CATSPERE: variants seen among roughly 807,000 people sequenced by gnomAD.
CATSPERE encodes catsper channel auxiliary subunit epsilon, also known as cation channel sperm-associated auxiliary subunit epsilon.
A neutral mutation model predicts 114.1 loss-of-function variants in CATSPERE; 93 were observed. The ratio of observed to expected loss-of-function variants is 0.81; its 90% CI spans 0.69 to 0.97. CATSPERE has a LOEUF of 0.97. CATSPERE is among the 50% of genes least tolerant of loss of function. The pLI is 0.00. For missense variants in CATSPERE, 1,058 were observed against 1,131.6 expected (o/e 0.93, Z 0.93); for synonymous variants, 341 against 384.1 (o/e 0.89, Z 1.31).
At chr1:244,473,834 A>C (rs1159149947) in intron 2 of CATSPERE, among the ~76,000 whole-genome samples, 1 of 151,812 alleles carries the variant, frequency 6.6e-6, no homozygotes, top group African/African-American at 2.4e-5. Flanking sequence ...CTCAATTCTC[A>C]TATTAGTTTA....
chr1:244,461,503 A>C lies in CATSPERE; in HGVS notation c.65+9A>C. On this transcript the variant is annotated intron_variant, in intron 1 of 21. Coordinates refer to ENST00000366534, the MANE Select transcript of CATSPERE (RefSeq NM_001130957.2). Reference sequence around the variant, plus strand: ...GGCTCCGCCCTTTGGAGGTAGAGAGACGCCAGTCGCAGGCGAGCGACTAGG... The same window carrying C: ...GGCTCCGCCCTTTGGAGGTAGAGAGCCGCCAGTCGCAGGCGAGCGACTAGG... 1 of 1,307,632 alleles carries C rather than the reference A, an allele frequency of 7.6e-7. No individual in the cohort carries two copies. The highest frequency in any genetic ancestry group is 9.8e-7 in the Non-Finnish European group (1 of 1,019,168). The allele number at this position is 1,307,632 out of a possible 1,614,324, so 81.0% of individuals were successfully genotyped here. A position where few individuals can be genotyped will look rare whatever the true frequency, so the allele number is the denominator to read the frequency against.
chr1:244,558,136 CTCTT>C (rs1295082599), intron 9 of CATSPERE, among the ~76,000 whole-genome samples: 2 of 62,116 alleles, frequency 3.2e-5, no homozygotes, highest in Non-Finnish European at 6.6e-5. Context: ...CTCTCTCTCT[CTCTT>C]TTTTTTTTTT....
chr1:244,489,460 T>C (rs1483247115), intron 5 of CATSPERE, among the ~76,000 whole-genome samples: 30 of 133,538 alleles, frequency 2.2e-4, no homozygotes, highest in African/African-American at 9.6e-4. Flanking sequence ...ATTTTTTTTT[T>C]TTTTTTTTTT....
chr1:244,474,250 G>A (rs536550039), intron 2 of CATSPERE, among the ~76,000 whole-genome samples: 2 of 152,026 alleles, frequency 1.3e-5, no homozygotes, highest in African/African-American at 4.8e-5. Context: ...GGCCAGGGTG[G>A]TCTCGAACTT....
chr1:244,639,844 C>A, intron 21 of CATSPERE, 84 bp from the exon 22 acceptor site: 2 of 1,219,338 alleles, frequency 1.6e-6, no homozygotes, highest in Non-Finnish European at 2.3e-6. Context: ...TAGTAGCTAG[C>A]TATTCAAAAA....
At chr1:244,490,157 G>C (rs749374518) in intron 5 of CATSPERE, among the ~76,000 whole-genome samples, 28 of 152,082 alleles carry the variant, frequency 1.8e-4, no homozygotes, top group Non-Finnish European at 4.0e-4. Flanking sequence ...GTAACTTCAA[G>C]GTCATTATTA....
intron 17 of CATSPERE, among the ~76,000 whole-genome samples, chr1:244,599,943 A>G (rs909871860): frequency 6.6e-6 from 1 of 152,202 alleles, no homozygotes; most frequent in Non-Finnish European, 1.5e-5. Flanking sequence ...AAAACACAAA[A>G]TATGACCTGG....
At chr1:244,604,090 T>C (rs1669645235) in intron 17 of CATSPERE, among the ~76,000 whole-genome samples, 1 of 152,246 alleles carries the variant, frequency 6.6e-6, no homozygotes, top group Non-Finnish European at 1.5e-5. Context: ...AGAGCTTTGC[T>C]AAAGCCTGAC....
chr1:244,597,669 A>G (rs1303315154), intron 17 of CATSPERE, among the ~76,000 whole-genome samples: 1 of 152,048 alleles, frequency 6.6e-6, no homozygotes, highest in African/African-American at 2.4e-5. Flanking sequence ...ACCATTGCCA[A>G]TCACACACAC....
chr1:244,476,990 ATTTCT>A (rs939883245), intron 2 of CATSPERE, among the ~76,000 whole-genome samples: 30 of 151,856 alleles, frequency 2.0e-4, no homozygotes, highest in Non-Finnish European at 3.7e-4. Context: ...TTAATAGATT[ATTTCT>A]TTTCTTTTCT....
At chr1:244,489,410 T>C (rs1375840112) in intron 5 of CATSPERE, among the ~76,000 whole-genome samples, 1 of 151,410 alleles carries the variant, frequency 6.6e-6, no homozygotes, top group African/African-American at 2.4e-5. Flanking sequence ...AATCATGAAG[T>C]TTTGATTCTG....
rs954520136 is a variant in CATSPERE at position 244,527,982 on chromosome 1, T to G, written c.536+9284T>G. 9.2e-5 allele frequency among the ~76,000 whole-genome samples: 14 copies of G among 152,186 alleles called. 1 individual carries two copies. The highest frequency in any genetic ancestry group is 3.4e-4 in the African/African-American group (14 of 41,432). Reference sequence around the variant, plus strand: ...TTATTTTTTCTCTTCAACTTTTAAGTTCAGGGATACAGCAAGTGTGTTACA... The same window carrying G: ...TTATTTTTTCTCTTCAACTTTTAAGGTCAGGGATACAGCAAGTGTGTTACA... On this transcript the variant is annotated intron_variant, in intron 8 of 21. Coordinates refer to ENST00000366534, the MANE Select transcript of CATSPERE (RefSeq NM_001130957.2).
chr1:244,559,258 A>G (rs1037809441), intron 9 of CATSPERE, among the ~76,000 whole-genome samples: 1 of 152,222 alleles, frequency 6.6e-6, no homozygotes, highest in Non-Finnish European at 1.5e-5. Context: ...TTCTTTAAGA[A>G]TTGTTTCCAG....
At chr1:244,537,011 A>C (rs1021298869) in intron 8 of CATSPERE, among the ~76,000 whole-genome samples, 6 of 152,082 alleles carry the variant, frequency 3.9e-5, no homozygotes, top group Non-Finnish European at 5.9e-5. Flanking sequence ...AGTTTTATTT[A>C]TACCATCCCA....
At chr1:244,529,102 C>A (rs1221498432) in intron 8 of CATSPERE, among the ~76,000 whole-genome samples, 1 of 152,080 alleles carries the variant, frequency 6.6e-6, no homozygotes, top group Non-Finnish European at 1.5e-5. Flanking sequence ...AGGTTGTTTC[C>A]AAATCTTGAC....
upstream of CATSPERE, among the ~76,000 whole-genome samples, chr1:244,456,467 A>T (rs1220749773): frequency 1.3e-5 from 2 of 152,140 alleles, no homozygotes; most frequent in Admixed American, 1.3e-4. Context: ...TAGAAAAATG[A>T]GCGCTTACAT....
intron 13 of CATSPERE, among the ~76,000 whole-genome samples, chr1:244,587,092 C>T (rs1465601203): frequency 6.6e-6 from 1 of 152,152 alleles, no homozygotes; most frequent in East Asian, 1.9e-4. Flanking sequence ...AGATATTTTG[C>T]AACAGTTCGT....
chr1:244,606,606 C>CTT (rs57618634), intron 18 of CATSPERE, among the ~76,000 whole-genome samples: 4,000 of 133,226 alleles, frequency 0.03, 119 homozygotes, highest in African/African-American at 0.073. Context: ...CTTTCTTTTG[C>CTT]TTTTTTTTTT....
intron 7 of CATSPERE, among the ~76,000 whole-genome samples, chr1:244,515,833 TTTA>T (rs1676521610): frequency 6.6e-6 from 1 of 150,414 alleles, no homozygotes; most frequent in African/African-American, 2.4e-5. Flanking sequence ...ATTATAATAT[TTTA>T]AAATACTATT....
Sources: gnomAD v4.1 joint callset for allele counts (sites outside exome capture counted in the v4.1 genomes callset) on GRCh38, gnomAD v4.1.1 for gene constraint, MANE v1.5 for transcripts, NCBI Gene and HGNC (gene_info 2026-07-23, HGNC 2026-07-21) for gene names.